Variants in MYT1 observed in about 807,000 individuals in gnomAD.
The protein encoded by MYT1 is myelin transcription factor 1.
A neutral mutation model predicts 123.0 loss-of-function variants in MYT1; 23 were observed. The ratio of observed to expected loss-of-function variants is 0.19; its 90% confidence interval spans 0.13 to 0.26. The LOEUF (loss-of-function observed/expected upper bound fraction) is 0.26. MYT1 is among the 10% of genes least tolerant of loss of function. MYT1 has a pLI of 1.00. For synonymous variants in MYT1, 518 were observed against 575.3 expected, an observed-to-expected ratio of 0.90 and a Z score of 1.43; for missense variants, 1,125 against 1,472.5, an observed-to-expected ratio of 0.76 and a Z score of 3.86.
Position 64,212,797 on chromosome 20 carries a change from G to A in MYT1, c.1517+659G>A, listed in dbSNP as rs1373315426. ...GTTGTTGACTGGTCTTCTATGGTGA[G>A]GGGGGACTACTCCTCCAGCCTTACC... On this transcript the variant is annotated intron_variant, in intron 9 of 22. Transcript: ENST00000328439. This position sits in a 1 kb window ranked among gnomAD's most constrained non-coding sequence, Gnocchi z 6.8. Among the ~76,000 whole-genome samples the A allele has an allele frequency of 2.0e-5, 3 of 151,968 alleles. No homozygotes were observed. Among genetic ancestry groups the A allele is most frequent in the African/African-American group, 7.2e-5 (3 of 41,386 alleles).
chr20:64,234,265 T>C (rs1256010079), intron 19 of MYT1, among the ~76,000 whole-genome samples: 2 of 152,148 alleles, frequency 1.3e-5, no homozygotes, highest in African/African-American at 4.8e-5. Flanking sequence ...CACCACAGCC[T>C]AGAGGGTATC....
In MYT1 at chr20:64,240,016, C is replaced by T. The variant is rs1435925927; in HGVS notation, c.3237+113C>T. ...TGCCTCTGGGTCCTGCCCTAGGGGC[C>T]CTGTGCCCTTGTGGAGATTCTCTCC... On this transcript the variant is annotated intron_variant, in intron 22 of 22. Coordinates refer to ENST00000328439, the MANE Select transcript of MYT1 (RefSeq NM_004535.3). 4.8e-6 allele frequency: 7 copies of T among 1,455,718 alleles called. No individual in the cohort carries two copies. In the East Asian group the frequency reaches 1.6e-4, roughly 33 times the overall value. The allele number at this position is 1,455,718 out of a possible 1,614,324, so 90.2% of individuals were successfully genotyped here. A position where few individuals can be genotyped will look rare whatever the true frequency, so the allele number is the denominator to read the frequency against.
intron 4 of MYT1, among the ~76,000 whole-genome samples, chr20:64,201,062 G>T (rs1161008115): frequency 6.6e-6 from 1 of 152,212 alleles, no homozygotes; most frequent in South Asian, 2.1e-4. Flanking sequence ...GTCGCCCAGG[G>T]ACACGGTGGA....
Position 64,191,927 on chromosome 20 carries a change from C to T in MYT1, c.-1+1767C>T, listed in dbSNP as rs909588854. On this transcript the variant is annotated intron_variant, in intron 2 of 22. Transcript: ENST00000328439. The surrounding 1 kb of genome is among the most constrained non-coding windows in gnomAD (Gnocchi z 4.1). Reference sequence around the variant, plus strand: ...TCATTCCCCTCACCCTACCCCAGATCCTGAGGATTCACATAGCGCTGTACT... The same window carrying T: ...TCATTCCCCTCACCCTACCCCAGATTCTGAGGATTCACATAGCGCTGTACT... The T allele has an allele frequency of 2.0e-5, 3 of 152,208 alleles. No homozygotes were observed. The highest frequency in any genetic ancestry group is 6.5e-5 in the Admixed American group (1 of 15,280). 9.4% of individuals were successfully genotyped at this position (152,208 alleles called of 1,614,324 possible).
intron 1 of MYT1, among the ~76,000 whole-genome samples, chr20:64,173,477 GCAGCA>G (rs1982351764): frequency 6.8e-6 from 1 of 147,018 alleles, no homozygotes; most frequent in African/African-American, 2.6e-5. Context: ...TTCTCCTCCT[GCAGCA>G]TCCTTCCCTT....
intron 1 of MYT1, among the ~76,000 whole-genome samples, chr20:64,183,668 T>C (rs1982716542): frequency 6.6e-6 from 1 of 152,232 alleles, no homozygotes; most frequent in African/African-American, 2.4e-5. Context: ...GAAATGTCTG[T>C]TCAAGTCCTC....
At chr20:64,188,972 A>C (rs761781534) in intron 1 of MYT1, among the ~76,000 whole-genome samples, 14 of 152,200 alleles carry the variant, frequency 9.2e-5, no homozygotes, top group Non-Finnish European at 1.5e-4. Flanking sequence ...TGTCTCCTTG[A>C]CTACCAAATC....
chr20:64,227,296 A>G, intron 16 of MYT1, 119 bp from the exon 17 acceptor site: 2 of 799,880 alleles, frequency 2.5e-6, no homozygotes, highest in Non-Finnish European at 4.0e-6. Context: ...GGACAAGGGA[A>G]TGTGGGTGGG....
At chr20:64,165,706 G>A (rs1260354133) in intron 1 of MYT1, among the ~76,000 whole-genome samples, 1 of 152,152 alleles carries the variant, frequency 6.6e-6, no homozygotes, top group Non-Finnish European at 1.5e-5. Flanking sequence ...GCGGTGGTGC[G>A]GGGGGTTCCG....
At chr20:64,221,362 C>A (rs551678989) in intron 13 of MYT1, among the ~76,000 whole-genome samples, 1 of 152,208 alleles carries the variant, frequency 6.6e-6, no homozygotes, top group Non-Finnish European at 1.5e-5. Flanking sequence ...GCATTCAGTT[C>A]GAAGCCTTTA....
At chr20:64,201,075 C>A (rs1033460357) in intron 4 of MYT1, among the ~76,000 whole-genome samples, 1 of 152,154 alleles carries the variant, frequency 6.6e-6, no homozygotes. Flanking sequence ...ACGGTGGAGA[C>A]AAAGACGGAG....
rs527673627 is a variant in MYT1, at chr20:64,227,559, A to G, written c.2591+82A>G. On this transcript the variant is annotated intron_variant, in intron 17 of 22. Transcript: ENST00000328439. ...CTTATATGAAGATTAGAAGACACTAATGTTGCTGACAGCTAGAGTCCATTC... is the reference window on the plus strand; with the variant it reads ...CTTATATGAAGATTAGAAGACACTAGTGTTGCTGACAGCTAGAGTCCATTC... The G allele has an allele frequency of 4.5e-5, 57 of 1,276,074 alleles. No individual in the cohort carries two copies. The East Asian group carries it at 1.4e-3, about 31-fold the overall frequency. 79.0% of individuals were successfully genotyped at this position (1,276,074 alleles called of 1,614,324 possible). A position where few individuals can be genotyped will look rare whatever the true frequency, so the allele number is the denominator to read the frequency against.
chr20:64,180,198 A>G (rs1405130879), intron 1 of MYT1, among the ~76,000 whole-genome samples: 1 of 152,106 alleles, frequency 6.6e-6, no homozygotes, highest in Non-Finnish European at 1.5e-5. Flanking sequence ...AGTTATACAC[A>G]CATGCTACAC....
At position 64,186,252 on chromosome 20, in the gene MYT1, CTA is replaced by C; in HGVS notation, c.-98-3810_-98-3809del. 6.6e-6 allele frequency among the ~76,000 whole-genome samples: 1 copy of C among 152,228 alleles called. No individual in the cohort carries two copies. Among genetic ancestry groups the C allele is most frequent in the African/African-American group, 2.4e-5 (1 of 41,540 alleles). On this transcript the variant is annotated intron_variant, in intron 1 of 22. Coordinates refer to ENST00000328439, the MANE Select transcript of MYT1 (RefSeq NM_004535.3). The surrounding 1 kb of genome is among the most constrained non-coding windows in gnomAD (Gnocchi z 4.3). ...CTCCAGGTGCAAAGATGCCGGGTCC[CTA>C]GAGAGGGGTCCCAGCCAGCGCCGCC...
At position 64,223,275 on chromosome 20, in the gene MYT1, A is replaced by T; in HGVS notation, c.2460-16A>T. 1 of 1,613,708 alleles carries T rather than the reference A, an allele frequency of 6.2e-7. No homozygotes were observed. The highest frequency in any genetic ancestry group is 1.1e-5 in the South Asian group (1 of 91,054). On this transcript the variant is annotated splice_polypyrimidine_tract_variant and intron_variant, in intron 15 of 22. Transcript: ENST00000328439. ...CCTCTTTGGCTTACCCCAATATCCC[A>T]TCTCTTCTCTTTCAGCCTCTCTGGT...
chr20:64,215,620 G>A (rs1453304741), intron 10 of MYT1, among the ~76,000 whole-genome samples: 1 of 151,988 alleles, frequency 6.6e-6, no homozygotes, highest in Admixed American at 6.6e-5. Context: ...GTGTCACTCT[G>A]TTGCTCAGGC....
In MYT1 at chr20:64,218,775, C is replaced by A. The variant is rs1983909919; in HGVS notation, c.1847-136C>A. On this transcript the variant is annotated intron_variant, in intron 11 of 22. Transcript: ENST00000328439. The surrounding 1 kb of genome is among the most constrained non-coding windows in gnomAD (Gnocchi z 4.0). Reference sequence around the variant, plus strand: ...TGCCCCCTCCCCACTGACTTGTCTGCATTGCTGCCTCTTTTCAAGTTGTAT... The same window carrying A: ...TGCCCCCTCCCCACTGACTTGTCTGAATTGCTGCCTCTTTTCAAGTTGTAT... 2 of 1,128,032 alleles carry A rather than the reference C, an allele frequency of 1.8e-6. No individual in the cohort carries two copies. The highest frequency in any genetic ancestry group is 2.6e-6 in the Non-Finnish European group (2 of 767,594). The allele number at this position is 1,128,032 out of a possible 1,614,324, so 69.9% of individuals were successfully genotyped here.
In MYT1 at chr20:64,164,465, A is replaced by G. The variant is rs1982024512; in HGVS notation, c.-373A>G. On this transcript the variant is annotated 5_prime_UTR_variant, in exon 1 of 23. Coordinates refer to ENST00000328439, the MANE Select transcript of MYT1 (RefSeq NM_004535.3). ...GGGTTCATGGGTAGCGTATTTACAA[A>G]GGAGCCTCCTCCGCCAGCCCGTGCC... 1 of 152,222 alleles carries G rather than the reference A, an allele frequency of 6.6e-6. No homozygotes were observed. The highest frequency in any genetic ancestry group is 2.4e-5 in the African/African-American group (1 of 41,452). The allele number at this position is 152,222 out of a possible 1,614,324, so 9.4% of individuals were successfully genotyped here. A position where few individuals can be genotyped will look rare whatever the true frequency, so the allele number is the denominator to read the frequency against.
At position 64,211,330 on chromosome 20, in the gene MYT1, C is replaced by A; in HGVS notation, c.1416C>A (p.Ile472=). The A allele has an allele frequency of 1.9e-6, 3 of 1,613,090 alleles. No individual in the cohort carries two copies. Among genetic ancestry groups the A allele is most frequent in the Non-Finnish European group, 2.5e-6 (3 of 1,179,306 alleles). ...CTGGCTGTCCCCACAAGGATAGGAT[C>A]CCCCCAGAGAGTGAGTAGCTCTGTG... ...SLSGCPHKDR[I]PPEILAMHEN... Residue 472 remains isoleucine, a synonymous_variant, in exon 8 of 23, where the codon ATC becomes ATA. Transcript: ENST00000328439.
Sources: allele counts gnomAD v4.1 joint callset (sites outside exome capture counted in the v4.1 genomes callset), GRCh38; gene constraint gnomAD v4.1.1; non-coding constraint Gnocchi (gnomAD v3.1); transcripts MANE v1.5; gene names NCBI Gene and HGNC (gene_info 2026-07-23, HGNC 2026-07-21).